Variants in COL25A1 observed in about 807,000 individuals in gnomAD.
COL25A1 encodes collagen type XXV alpha 1 chain.
In COL25A1, 103 loss-of-function variants were observed where a neutral mutation model predicts 128.4. The observed-to-expected ratio is 0.80, with a 90% confidence interval of 0.68 to 0.94. The LOEUF (loss-of-function observed/expected upper bound fraction) is 0.94, where lower values mean the gene tolerates loss of function less well. COL25A1 is among the 40% of genes least tolerant of loss of function. The pLI, the probability that COL25A1 is intolerant of heterozygous loss-of-function variation, is 0.00. For synonymous variants in COL25A1, 279 were observed against 277.2 expected, an observed-to-expected ratio of 1.01 and a Z score of -0.06; for missense variants, 745 against 840.0, an observed-to-expected ratio of 0.89 and a Z score of 1.40.
intron 6 of COL25A1, among the ~76,000 whole-genome samples, chr4:109,000,743 C>CAAAAAAAAAAAAA (rs1180104512): frequency 1.1e-4 from 4 of 36,420 alleles, no homozygotes; most frequent in African/African-American, 3.4e-4. Context: ...GAGACTCTGT[C>CAAAAAAAAAAAAA]AAAAAAAAAA....
chr4:109,265,558 T>A (rs181656731), intron 3 of COL25A1, among the ~76,000 whole-genome samples: 238 of 149,730 alleles, frequency 1.6e-3, no homozygotes, highest in African/African-American at 5.5e-3. Flanking sequence ...TGTGTGTGTG[T>A]GTGTGTGTGT....
At position 108,920,647 on chromosome 4, in the gene COL25A1, T is replaced by C. The variant is rs757553312; in HGVS notation, c.709-43A>G. Reference sequence around the variant, plus strand: ...TTCAATTAACATACTATTGTAGCCATTTAAGCTTAGATGACCAATTTAAAC... The same window carrying C: ...TTCAATTAACATACTATTGTAGCCACTTAAGCTTAGATGACCAATTTAAAC... On this transcript the variant is annotated intron_variant, in intron 11 of 37. Transcript: ENST00000399132. 15 of 1,535,990 alleles carry C rather than the reference T, an allele frequency of 9.8e-6. No homozygotes were observed. In the East Asian group the frequency reaches 3.0e-4, roughly 30 times the overall value.
rs757857675 is a variant in COL25A1 at position 109,063,543 on chromosome 4, T to TA, written c.368-13365dup. On this transcript the variant is annotated intron_variant, in intron 3 of 37. Coordinates refer to ENST00000399132, the MANE Select transcript of COL25A1 (RefSeq NM_198721.4). ...GTGGATAAAAGAGGGTAAGGAAGGA[T>TA]AAAAAAATGAGGTACAGCCCCAGTG... Among the ~76,000 whole-genome samples, 6 of 146,904 alleles carry TA rather than the reference T, an allele frequency of 4.1e-5. No homozygotes were observed. In the East Asian group the frequency reaches 9.8e-4, roughly 24 times the overall value.
At chr4:108,998,768 T>C (rs191435700) in intron 6 of COL25A1, among the ~76,000 whole-genome samples, 1,678 of 152,170 alleles carry the variant, frequency 0.011, 35 homozygotes, top group African/African-American at 0.038. Context: ...AAAACAGATA[T>C]ATAGACCAAT....
intron 6 of COL25A1, among the ~76,000 whole-genome samples, chr4:108,998,315 C>G (rs1754985427): frequency 4.6e-5 from 7 of 152,152 alleles, no homozygotes; most frequent in Admixed American, 3.3e-4. Flanking sequence ...CACAAGCATT[C>G]CTATACACCA....
At chr4:109,150,493 A>C (rs1771396233) in intron 3 of COL25A1, among the ~76,000 whole-genome samples, 1 of 152,170 alleles carries the variant, frequency 6.6e-6, no homozygotes, top group Non-Finnish European at 1.5e-5. Context: ...TCTGGAGGTA[A>C]AAAGGCAAAA....
intron 3 of COL25A1, among the ~76,000 whole-genome samples, chr4:109,216,334 G>A (rs1285422992): frequency 6.6e-6 from 1 of 151,642 alleles, no homozygotes; most frequent in Non-Finnish European, 1.5e-5. Flanking sequence ...AGGAAGGGGG[G>A]GCAGTTAAAG....
intron 3 of COL25A1, among the ~76,000 whole-genome samples, chr4:109,286,121 G>C (rs1436094935): frequency 3.3e-5 from 5 of 152,134 alleles, no homozygotes; most frequent in Non-Finnish European, 7.4e-5. Flanking sequence ...ATAGTGTATA[G>C]CCTTCAAAAA....
intron 3 of COL25A1, among the ~76,000 whole-genome samples, chr4:109,134,194 G>GC (rs543410160): frequency 6.9e-6 from 1 of 145,366 alleles, no homozygotes; most frequent in Non-Finnish European, 1.5e-5. Flanking sequence ...ATTATAGGAG[G>GC]TTTTTTTTTT....
intron 25 of COL25A1, 76 bp downstream of exon 25, chr4:108,852,826 T>C: frequency 9.1e-7 from 1 of 1,103,030 alleles, no homozygotes; most frequent in Admixed American, 2.1e-5. Flanking sequence ...ATAGCTACAT[T>C]AGTACCATTT....
intron 3 of COL25A1, among the ~76,000 whole-genome samples, chr4:109,266,679 GGAAGA>G (rs1396798234): frequency 2.0e-5 from 3 of 151,706 alleles, no homozygotes; most frequent in African/African-American, 4.8e-5. Context: ...ATTCATTGTA[GGAAGA>G]GAAGATAAAG....
At chr4:108,960,712 T>G (rs1750584837) in intron 8 of COL25A1, among the ~76,000 whole-genome samples, 3 of 152,154 alleles carry the variant, frequency 2.0e-5, no homozygotes, top group Admixed American at 2.0e-4. Flanking sequence ...AAAAGATATA[T>G]CTAAGAAAAG....
intron 24 of COL25A1, among the ~76,000 whole-genome samples, chr4:108,858,239 A>T (rs1038575501): frequency 1.3e-5 from 2 of 152,124 alleles, no homozygotes; most frequent in Non-Finnish European, 2.9e-5. Flanking sequence ...CGAAGCCATG[A>T]TCATTTATAA....
At chr4:108,843,683 A>G (rs1339193503) in intron 30 of COL25A1, among the ~76,000 whole-genome samples, 2 of 152,168 alleles carry the variant, frequency 1.3e-5, no homozygotes, top group Admixed American at 6.5e-5. Flanking sequence ...AGATCTAACA[A>G]TATATGTTAT....
rs139713063 is a variant in COL25A1 at position 108,948,500 on chromosome 4, C to T, written c.493-7063G>A. On this transcript the variant is annotated intron_variant, in intron 8 of 37. Transcript: ENST00000399132. ...TATTGATACTCTAAATTCCATTCTA[C>T]TACGTTTTCTCATAAATGTTAACCC... Among the ~76,000 whole-genome samples, 17 of 152,202 alleles carry T rather than the reference C, an allele frequency of 1.1e-4. 1 individual carries two copies. In the East Asian group the frequency reaches 3.3e-3, roughly 29 times the overall value.
At chr4:109,247,545 T>C (rs1221368981) in intron 3 of COL25A1, among the ~76,000 whole-genome samples, 1 of 152,112 alleles carries the variant, frequency 6.6e-6, no homozygotes, top group Non-Finnish European at 1.5e-5. Flanking sequence ...GTAATATTGC[T>C]TACGTACAAT....
intron 13 of COL25A1, among the ~76,000 whole-genome samples, chr4:108,912,965 T>G (rs13104227): frequency 0.48 from 72,268 of 151,888 alleles, 19,893 homozygotes; most frequent in East Asian, 0.93. Flanking sequence ...GGATTCATAG[T>G]TGACACACTA....
In COL25A1 at chr4:108,889,104, T is replaced by C. The variant is rs775214038; in HGVS notation, c.975+117A>G. On this transcript the variant is annotated intron_variant, in intron 18 of 37. Coordinates refer to ENST00000399132, the MANE Select transcript of COL25A1 (RefSeq NM_198721.4). ...GCAAAACAACAATAACACTCTGTAA[T>C]GCAAAACATGAAAACCGCATCATTT... is the stretch of plus-strand genomic sequence containing the variant. 1.9e-4 allele frequency: 185 copies of C among 983,708 alleles called. 1 individual carries two copies. The highest frequency in any genetic ancestry group is 2.2e-4 in the Non-Finnish European group (143 of 637,870). The allele number at this position is 983,708 out of a possible 1,614,324, so 60.9% of individuals were successfully genotyped here. A position where few individuals can be genotyped will look rare whatever the true frequency, so the allele number is the denominator to read the frequency against.
intron 23 of COL25A1, among the ~76,000 whole-genome samples, chr4:108,860,619 T>C (rs1737086829): frequency 6.6e-6 from 1 of 152,126 alleles, no homozygotes; most frequent in Non-Finnish European, 1.5e-5. Context: ...ATTGCTTTCT[T>C]TATAATTGAG....
Sources: gnomAD v4.1 joint callset for allele counts (sites outside exome capture counted in the v4.1 genomes callset) on GRCh38, gnomAD v4.1.1 for gene constraint, MANE v1.5 for transcripts, NCBI Gene and HGNC (gene_info 2026-07-23, HGNC 2026-07-21) for gene names.